The following TTC28 variants were observed in gnomAD, a reference collection of about 807,000 sequenced individuals.
TTC28 encodes tetratricopeptide repeat domain 28.
TTC28 carries 61 observed loss-of-function variants against 198.0 expected under a neutral mutation model. That is an observed-to-expected ratio of 0.31 (90% CI 0.25 to 0.38). TTC28 has a LOEUF of 0.38. TTC28 is among the 10% of genes least tolerant of loss of function. The pLI is 1.00. For synonymous variants in TTC28, 1,171 were observed against 1,297.8 expected (o/e 0.90, Z 2.10); for missense variants, 2,678 against 3,164.0 (o/e 0.85, Z 3.69).
At chr22:28,412,414 GA>G (rs1462891131) in intron 2 of TTC28, among the ~76,000 whole-genome samples, 2 of 152,114 alleles carry the variant, frequency 1.3e-5, no homozygotes, top group East Asian at 1.9e-4. Context: ...GCCAAGTTTG[GA>G]AAATGTCTAT....
intron 6 of TTC28, among the ~76,000 whole-genome samples, chr22:28,133,010 G>A (rs1380406116): frequency 1.3e-5 from 2 of 152,178 alleles, no homozygotes; most frequent in Non-Finnish European, 1.5e-5. Context: ...GATCATTTGA[G>A]GTCAGGAGTT....
At chr22:28,285,608 T>C (rs539188523) in intron 5 of TTC28, among the ~76,000 whole-genome samples, 7 of 152,330 alleles carry the variant, frequency 4.6e-5, no homozygotes, top group African/African-American at 1.7e-4. Context: ...TGATACTTAA[T>C]TGTTAATCAA....
intron 6 of TTC28, among the ~76,000 whole-genome samples, chr22:28,140,797 GT>G (rs1048924403): frequency 6.6e-6 from 1 of 151,764 alleles, no homozygotes; most frequent in South Asian, 2.1e-4. Flanking sequence ...CAGAAATGAC[GT>G]TTTTTTTCCT....
chr22:28,333,502 G>A (rs1029037428), intron 2 of TTC28, among the ~76,000 whole-genome samples: 7 of 152,042 alleles, frequency 4.6e-5, no homozygotes, highest in African/African-American at 1.4e-4. Context: ...AGGTAAGAAC[G>A]TCCCTTTGCT....
intron 5 of TTC28, among the ~76,000 whole-genome samples, chr22:28,283,767 C>A (rs551074647): frequency 3.9e-5 from 6 of 152,086 alleles, no homozygotes; most frequent in Non-Finnish European, 8.8e-5. Context: ...CTCAGACAGA[C>A]CTTGAACTCC....
At chr22:28,034,550 C>T (rs1245237669) in intron 12 of TTC28, among the ~76,000 whole-genome samples, 3 of 152,216 alleles carry the variant, frequency 2.0e-5, no homozygotes, top group East Asian at 1.9e-4. Flanking sequence ...AAAGAGGACT[C>T]TGTTCTTGTT....
chr22:28,450,317 C>G (rs918672250), intron 2 of TTC28, among the ~76,000 whole-genome samples: 1 of 152,148 alleles, frequency 6.6e-6, no homozygotes, highest in Non-Finnish European at 1.5e-5. Context: ...CTTCACTGCT[C>G]AGATGGAATG....
At chr22:28,339,526 C>T (rs1461730477) in intron 2 of TTC28, among the ~76,000 whole-genome samples, 1 of 152,210 alleles carries the variant, frequency 6.6e-6, no homozygotes, top group Admixed American at 6.5e-5. Flanking sequence ...CCTTGAGCTA[C>T]AGTGGGCTCC....
chr22:28,515,436 C>T (rs918168276), intron 2 of TTC28, among the ~76,000 whole-genome samples: 3 of 152,198 alleles, frequency 2.0e-5, no homozygotes, highest in African/African-American at 2.4e-5. Flanking sequence ...TAAAACCACA[C>T]GTGGGCATAT....
chr22:28,649,687 T>C (rs773199361), intron 1 of TTC28, among the ~76,000 whole-genome samples: 55 of 152,338 alleles, frequency 3.6e-4, no homozygotes, highest in Non-Finnish European at 6.0e-4. Context: ...ATATGGTAAA[T>C]AGCCAACTTC....
intron 2 of TTC28, among the ~76,000 whole-genome samples, chr22:28,352,469 G>A (rs531304905): frequency 1.3e-5 from 2 of 151,984 alleles, no homozygotes; most frequent in African/African-American, 4.8e-5. Context: ...GCTACATTTC[G>A]GAGCTCATGT....
At chr22:28,669,954 TAC>T (rs1028804574) in intron 1 of TTC28, among the ~76,000 whole-genome samples, 2 of 152,060 alleles carry the variant, frequency 1.3e-5, no homozygotes, top group African/African-American at 4.8e-5. Context: ...GAATTTTTTA[TAC>T]ACACAGTATA....
intron 5 of TTC28, among the ~76,000 whole-genome samples, chr22:28,273,538 A>C (rs1407013529): frequency 6.7e-6 from 1 of 150,292 alleles, no homozygotes; most frequent in African/African-American, 2.4e-5. Context: ...ATAGGATAGT[A>C]AAAAAAAAAT....
chr22:28,543,790 A>T (rs530971797), intron 2 of TTC28, among the ~76,000 whole-genome samples: 6 of 152,368 alleles, frequency 3.9e-5, no homozygotes, highest in Non-Finnish European at 8.8e-5. Context: ...AGACAAAGAC[A>T]TAAGAAAACT....
At chr22:28,626,800 T>C (rs1569068693) in intron 2 of TTC28, among the ~76,000 whole-genome samples, 1 of 152,054 alleles carries the variant, frequency 6.6e-6, no homozygotes, top group Non-Finnish European at 1.5e-5. Flanking sequence ...AAATGGACTA[T>C]ACAATAACTT....
intron 5 of TTC28, among the ~76,000 whole-genome samples, chr22:28,167,448 C>T (rs1922128494): frequency 6.6e-6 from 1 of 152,208 alleles, no homozygotes; most frequent in Non-Finnish European, 1.5e-5. Context: ...CCGAATCCAG[C>T]AGCATATCAA....
intron 18 of TTC28, chr22:27,992,911 C>G: frequency 1.8e-6 from 1 of 567,654 alleles, no homozygotes; most frequent in Non-Finnish European, 3.1e-6. Context: ...CTCCCAGGAC[C>G]CAGGCAGCAC....
At chr22:28,439,897 G>A (rs1418080205) in intron 2 of TTC28, among the ~76,000 whole-genome samples, 1 of 151,848 alleles carries the variant, frequency 6.6e-6, no homozygotes, top group South Asian at 2.1e-4. Flanking sequence ...GTGCAATGGC[G>A]TGATCTCGGC....
At chr22:28,057,830 G>T (rs5762462) in intron 12 of TTC28, among the ~76,000 whole-genome samples, 2 of 152,016 alleles carry the variant, frequency 1.3e-5, no homozygotes, top group African/African-American at 2.4e-5. Flanking sequence ...AGTTGTTCCA[G>T]CATGATTTGT....
Sources: allele counts gnomAD v4.1 joint callset (sites outside exome capture counted in the v4.1 genomes callset), GRCh38; gene constraint gnomAD v4.1.1; transcripts MANE v1.5; gene names NCBI Gene and HGNC (gene_info 2026-07-23, HGNC 2026-07-21).